The following SERPINB5 variants were observed in gnomAD, a reference collection of about 807,000 sequenced individuals.
The protein encoded by SERPINB5 is serpin family B member 5.
A neutral mutation model predicts 32.2 loss-of-function variants in SERPINB5; 27 were observed. The observed-to-expected ratio is 0.84, with a 90% CI of 0.62 to 1.16. The LOEUF is 1.16. Among genes scored for constraint, SERPINB5 ranks in the 50% most tolerant of loss-of-function variants. The pLI is 0.00. For synonymous variants in SERPINB5, 154 were observed against 157.4 expected (o/e 0.98, Z 0.16); for missense variants, 388 against 436.3 (o/e 0.89, Z 0.99).
intron 1 of SERPINB5, among the ~76,000 whole-genome samples, chr18:63,482,573 G>A (rs957302835): frequency 6.6e-6 from 1 of 152,168 alleles, no homozygotes; most frequent in Non-Finnish European, 1.5e-5. Flanking sequence ...CCCAGAAAGG[G>A]AAGCCCTGAC....
At chr18:63,492,153 T>C (rs906727501) in intron 4 of SERPINB5, among the ~76,000 whole-genome samples, 2 of 152,174 alleles carry the variant, frequency 1.3e-5, no homozygotes, top group African/African-American at 4.8e-5. Context: ...TGAGGAGTTC[T>C]TTTTATTAAG....
chr18:63,490,517 T>G (rs1307696438), intron 4 of SERPINB5: 1 of 152,138 alleles, frequency 6.6e-6, no homozygotes, highest in Non-Finnish European at 1.5e-5. Flanking sequence ...AATCTAGTCA[T>G]GAAAGAATGA....
Position 63,490,001 on chromosome 18 carries a change from G to A in SERPINB5, c.424+537G>A, listed in dbSNP as rs545484653. Among the ~76,000 whole-genome samples, 510 of 152,278 alleles carry A rather than the reference G, an allele frequency of 3.3e-3. 1 individual carries two copies. The highest frequency in any genetic ancestry group is 6.0e-3 in the Non-Finnish European group (409 of 68,018). Reference sequence around the variant, plus strand: ...AGGTCAGGAGATCGAGACCATCCTGGCTAACACGGTGAAACCCTGTCTCTA... The same window carrying A: ...AGGTCAGGAGATCGAGACCATCCTGACTAACACGGTGAAACCCTGTCTCTA... On this transcript the variant is annotated intron_variant, in intron 4 of 6. Coordinates refer to ENST00000382771, the MANE Select transcript of SERPINB5 (RefSeq NM_002639.5).
intron 5 of SERPINB5, among the ~76,000 whole-genome samples, chr18:63,495,535 C>T (rs1909429414): frequency 6.6e-6 from 1 of 152,234 alleles, no homozygotes; most frequent in South Asian, 2.1e-4. Context: ...TGCCTCTCTT[C>T]AAGACCCCAG....
chr18:63,494,354 T>C (rs1440074314), intron 5 of SERPINB5, among the ~76,000 whole-genome samples: 10 of 135,122 alleles, frequency 7.4e-5, no homozygotes, highest in East Asian at 6.4e-4. Context: ...AAGAAATGGG[T>C]AAAGTACCTC....
At chr18:63,493,297 G>T (rs1486984166) in intron 5 of SERPINB5, 3 of 669,022 alleles carry the variant, frequency 4.5e-6, no homozygotes, top group Non-Finnish European at 7.8e-6. Flanking sequence ...TTTCCATAAT[G>T]TCTTCAAGGA....
At position 63,498,410 on chromosome 18, in the gene SERPINB5, C is replaced by T. The variant is rs948262683; in HGVS notation, c.568-710C>T. 4.6e-5 allele frequency among the ~76,000 whole-genome samples: 7 copies of T among 152,144 alleles called. No homozygotes were observed. Among genetic ancestry groups the T allele is most frequent in the South Asian group, 2.1e-4 (1 of 4,810 alleles). Reference sequence around the variant, plus strand: ...AATTAGGCATTTTATTAGGAAAAGCCGTATAAATGGTTATGTGGGTTTGCA... The same window carrying T: ...AATTAGGCATTTTATTAGGAAAAGCTGTATAAATGGTTATGTGGGTTTGCA... On this transcript the variant is annotated intron_variant, in intron 5 of 6. Coordinates refer to ENST00000382771, the MANE Select transcript of SERPINB5 (RefSeq NM_002639.5). The surrounding 1 kb of genome is among the most constrained non-coding windows in gnomAD (Gnocchi z 4.2).
At chr18:63,491,831 C>G (rs369096540) in intron 4 of SERPINB5, among the ~76,000 whole-genome samples, 2 of 152,126 alleles carry the variant, frequency 1.3e-5, no homozygotes, top group East Asian at 3.9e-4. Context: ...GAAGCTCTGT[C>G]GTTTACCGGC....
chr18:63,486,510 C>A (rs1917216786), intron 2 of SERPINB5, among the ~76,000 whole-genome samples: 1 of 152,122 alleles, frequency 6.6e-6, no homozygotes, highest in African/African-American at 2.4e-5. Context: ...CTTCATCGTT[C>A]TCCAAGTTTG....
At chr18:63,489,507 C>T in intron 4 of SERPINB5, 43 bp downstream of exon 4, 1 of 1,071,084 alleles carries the variant, frequency 9.3e-7, no homozygotes, top group South Asian at 1.4e-5. Flanking sequence ...ACCAAGTAAA[C>T]AGGGCCTTCC....
chr18:63,483,961 A>C (rs996912473), intron 1 of SERPINB5, among the ~76,000 whole-genome samples: 36 of 152,272 alleles, frequency 2.4e-4, no homozygotes, highest in Non-Finnish European at 4.4e-5. Context: ...AATTCAACCC[A>C]TTACACTTAC....
At position 63,503,674 on chromosome 18, in the gene SERPINB5, C is replaced by T. The variant is rs758957064; in HGVS notation, c.1080C>T (p.His360=). The T allele has an allele frequency of 5.2e-5, 84 of 1,614,196 alleles. No individual in the cohort carries two copies. The East Asian group carries it at 8.2e-4, about 16-fold the overall frequency. Residue 360 remains histidine, a synonymous_variant, in exon 7 of 7, where the codon CAC becomes CAT. Transcript: ENST00000382771. ...ADHPFIYIIR[H]NKTRNIIFFG... is the part of the protein sequence containing the mutation. The stretch of plus-strand genomic sequence containing the variant: ...ATCCCTTTATTTACATCATCAGGCA[C>T]AACAAAACTCGAAACATTATTTTCT...
chr18:63,478,758 G>GTTTTTTTTTTT (rs10669993), intron 1 of SERPINB5, among the ~76,000 whole-genome samples: 3 of 135,382 alleles, frequency 2.2e-5, no homozygotes, highest in Non-Finnish European at 3.1e-5. Flanking sequence ...TAAAAACGTA[G>GTTTTTTTTTTT]TTTTTTTTTT....
Position 63,499,190 on chromosome 18 carries a change from A to G in SERPINB5, c.638A>G (p.Asn213Ser), listed in dbSNP as rs763204834. Reference sequence around the variant, plus strand: ...TGTATGGGAAACATTGACAGTATCAATTGTAAGATCATAGAGCTTCCTTTT... The same window carrying G: ...TGTATGGGAAACATTGACAGTATCAGTTGTAAGATCATAGAGCTTCCTTTT... The part of the protein sequence containing the change: ...TFCMGNIDSI[N>S]CKIIELPFQN... The change falls in exon 6 of 7, where the codon AAT becomes AGT. Residue 213 changes from asparagine (N) to serine (S), a missense_variant. Coordinates refer to ENST00000382771, the MANE Select transcript of SERPINB5 (RefSeq NM_002639.5). 4.2e-5 allele frequency: 68 copies of G among 1,603,304 alleles called. No individual in the cohort carries two copies. The East Asian group carries it at 1.3e-3, about 31-fold the overall frequency.
At position 63,498,995 on chromosome 18, in the gene SERPINB5, G is replaced by A. The variant is rs1909511153; in HGVS notation, c.568-125G>A. The A allele has an allele frequency of 2.3e-6, 1 of 427,930 alleles. No homozygotes were observed. The highest frequency in any genetic ancestry group is 3.9e-6 in the Non-Finnish European group (1 of 255,010). The allele number at this position is 427,930 out of a possible 1,614,324, so 26.5% of individuals were successfully genotyped here. ...TAGGTGTAGGTATATATGTATGTGT[G>A]TCTGTATATATACATGTGGGTATAT... On this transcript the variant is annotated intron_variant, in intron 5 of 6. Coordinates refer to ENST00000382771, the MANE Select transcript of SERPINB5 (RefSeq NM_002639.5). The surrounding 1 kb of genome is among the most constrained non-coding windows in gnomAD (Gnocchi z 4.2).
chr18:63,478,445 T>A (rs1251365859), intron 1 of SERPINB5, among the ~76,000 whole-genome samples: 3 of 152,226 alleles, frequency 2.0e-5, no homozygotes, highest in African/African-American at 7.2e-5. Context: ...CAAAGCACTT[T>A]TCATATACAT....
chr18:63,484,741 C>CCCTTTTTTTTTT, intron 2 of SERPINB5, 145 bp downstream of exon 2: 1 of 105,244 alleles, frequency 9.5e-6, no homozygotes, highest in Non-Finnish European at 1.7e-5. Context: ...CTCTCTTAAT[C>CCCTTTTTTTTTT]TTTTTTTTTT....
In SERPINB5 at chr18:63,484,527, C is replaced by A; in HGVS notation, c.99C>A (p.Ile33=). 1 of 1,614,176 alleles carries A rather than the reference C, an allele frequency of 6.2e-7. No homozygotes were observed. The highest frequency in any genetic ancestry group is 8.5e-7 in the Non-Finnish European group (1 of 1,180,014). The change falls in exon 2 of 7, where the codon ATC becomes ATA. Residue 33 remains isoleucine (I), a synonymous_variant. Coordinates refer to ENST00000382771, the MANE Select transcript of SERPINB5 (RefSeq NM_002639.5). The part of the protein sequence containing the change: ...EPLGNVLFSP[I]CLSTSLSLAQ... ...TGGGCAATGTCCTCTTCTCTCCAAT[C>A]TGTCTCTCCACCTCTCTGTCACTTG...
chr18:63,488,199 A>G (rs1917243895), intron 3 of SERPINB5, among the ~76,000 whole-genome samples: 1 of 152,194 alleles, frequency 6.6e-6, no homozygotes, highest in Non-Finnish European at 1.5e-5. Flanking sequence ...CTGTCAGTCA[A>G]TGGTGACAGT....
Sources: gnomAD v4.1 joint callset for allele counts (sites outside exome capture counted in the v4.1 genomes callset) on GRCh38, gnomAD v4.1.1 for gene constraint, Gnocchi (gnomAD v3.1) non-coding constraint, MANE v1.5 for transcripts, NCBI Gene and HGNC (gene_info 2026-07-23, HGNC 2026-07-21) for gene names.